MACF1: variants seen among roughly 807,000 people sequenced by gnomAD.
MACF1 encodes the protein microtubule actin crosslinking factor 1.
A neutral mutation model predicts 854.8 loss-of-function variants in MACF1; 193 were observed. The ratio of observed to expected loss-of-function variants is 0.23; its 90% CI spans 0.20 to 0.25. The LOEUF (loss-of-function observed/expected upper bound fraction) is 0.25, where lower values mean the gene tolerates loss of function less well. Among genes scored for constraint, MACF1 ranks in the 10% least tolerant of loss-of-function variants. The pLI, the probability that MACF1 is intolerant of heterozygous loss-of-function variation, is 1.00. For synonymous variants in MACF1, 3,185 were observed against 3,226.7 expected, an observed-to-expected ratio of 0.99 and a Z score of 0.44; for missense variants, 7,722 against 8,929.1, an observed-to-expected ratio of 0.86 and a Z score of 5.45.
chr1:39,424,660 T>G (rs1643666287), intron 61 of MACF1, among the ~76,000 whole-genome samples: 1 of 152,218 alleles, frequency 6.6e-6, no homozygotes, highest in Admixed American at 6.5e-5. Flanking sequence ...TATCTGGGAA[T>G]TCAAGAGATG....
intron 56 of MACF1, among the ~76,000 whole-genome samples, chr1:39,384,144 A>G (rs1650489228): frequency 1.3e-5 from 2 of 151,986 alleles, no homozygotes; most frequent in Non-Finnish European, 2.9e-5. Context: ...CTCTGCTTGG[A>G]GAACTGCTCG....
At chr1:39,274,888 A>G (rs1054855744) in intron 6 of MACF1, among the ~76,000 whole-genome samples, 3 of 152,238 alleles carry the variant, frequency 2.0e-5, no homozygotes, top group African/African-American at 7.2e-5. Flanking sequence ...AGTAATCACA[A>G]TAAATGCTAG....
chr1:39,109,922 A>G (rs1245332947), intron 2 of MACF1, among the ~76,000 whole-genome samples: 1 of 152,216 alleles, frequency 6.6e-6, no homozygotes, highest in East Asian at 1.9e-4. Flanking sequence ...ACTTTAAGTG[A>G]CATACATTTC....
At position 39,340,826 on chromosome 1, in the gene MACF1, C is replaced by T; in HGVS notation, c.10454C>T (p.Thr3485Ile). 6.2e-7 allele frequency: 1 copy of T among 1,613,414 alleles called. No homozygotes were observed. Residue 3485 changes from threonine to isoleucine, a missense_variant, in exon 40 of 101, where the codon ACA becomes ATA. Physicochemically the swap from Thr to Ile is moderately conservative, Grantham distance 89. Coordinates refer to ENST00000564288, the MANE Select transcript of MACF1 (RefSeq NM_001394062.1). Reference protein sequence around the residue: ...IEKTKVLNQHTQLEGRLQDLR... With the variant: ...IEKTKVLNQHIQLEGRLQDLR... ...TAGACTAAAGTGTTAAATCAGCACA[C>T]ACAGCTAGAAGGCCGACTTCAAGAT...
intron 52 of MACF1, among the ~76,000 whole-genome samples, chr1:39,376,465 A>G (rs779454412): frequency 2.6e-5 from 4 of 152,160 alleles, no homozygotes; most frequent in Admixed American, 6.6e-5. Flanking sequence ...CAGTTACCCC[A>G]TGAGAGTTAA....
intron 95 of MACF1, among the ~76,000 whole-genome samples, chr1:39,465,547 A>G (rs1644649888): frequency 6.6e-6 from 1 of 152,264 alleles, no homozygotes; most frequent in Non-Finnish European, 1.5e-5. Context: ...CTTATATTGT[A>G]TGTTATAATT....
At chr1:39,206,223 G>A (rs536935530) in intron 1 of MACF1, among the ~76,000 whole-genome samples, 45 of 152,260 alleles carry the variant, frequency 3.0e-4, no homozygotes, top group African/African-American at 9.2e-4. Flanking sequence ...CTATAGCAGC[G>A]GAAACAAAGA....
chr1:39,371,587 T>G (rs1649250061), intron 51 of MACF1, among the ~76,000 whole-genome samples: 1 of 152,128 alleles, frequency 6.6e-6, no homozygotes, highest in African/African-American at 2.4e-5. Context: ...ATTTTTGTCT[T>G]AGAGCAAATG....
intron 98 of MACF1, among the ~76,000 whole-genome samples, chr1:39,480,348 A>G (rs972657759): frequency 6.6e-6 from 1 of 152,224 alleles, no homozygotes; most frequent in Non-Finnish European, 1.5e-5. Flanking sequence ...ACAGTGGCTC[A>G]TGCCTGTAAT....
chr1:39,476,237 T>C (rs1022658052), intron 97 of MACF1, among the ~76,000 whole-genome samples: 32 of 152,166 alleles, frequency 2.1e-4, no homozygotes, highest in Non-Finnish European at 4.6e-4. Context: ...TGTTTTTACC[T>C]TAGGTATGCA....
chr1:39,433,631 A>G (rs947715352), intron 68 of MACF1, among the ~76,000 whole-genome samples: 2 of 152,202 alleles, frequency 1.3e-5, no homozygotes, highest in Non-Finnish European at 2.9e-5. Context: ...AGAAATATTC[A>G]TAAACTGACT....
chr1:39,379,475 A>G, intron 54 of MACF1, 31 bp downstream of exon 54: 2 of 1,585,204 alleles, frequency 1.3e-6, no homozygotes, highest in Non-Finnish European at 8.6e-7. Context: ...GCCTCCCAAC[A>G]CCAAGAGGAA....
At chr1:39,133,516 G>GTCCTCCTCCTCATCCTTTCTCC (rs1571081629) in intron 2 of MACF1, among the ~76,000 whole-genome samples, 3 of 151,176 alleles carry the variant, frequency 2.0e-5, no homozygotes, top group East Asian at 3.9e-4. Flanking sequence ...CTCCTTCCTC[G>GTCCTCCTCCTCATCCTTTCTCC]TCCTCCTCCT....
intron 58 of MACF1, among the ~76,000 whole-genome samples, chr1:39,398,799 C>CCA (rs1249181122): frequency 6.6e-6 from 1 of 152,184 alleles, no homozygotes; most frequent in African/African-American, 2.4e-5. Context: ...AGTCCCCACC[C>CCA]CACACTGCCA....
Position 39,385,929 on chromosome 1 carries a change from G to T in MACF1, c.14344G>T (p.Ala4782Ser). The T allele has an allele frequency of 6.2e-7, 1 of 1,600,186 alleles. No homozygotes were observed. Among genetic ancestry groups the T allele is most frequent in the South Asian group, 1.1e-5 (1 of 89,884 alleles). The stretch of plus-strand genomic sequence containing the variant: ...TCTCCAAGGTTTAGAAGACCTTGCA[G>T]GTAAGTTGGGGTGAAGAACATACTT... ...LPLQGLEDLA[A>S]DRINRLQAAL... Residue 4782 changes from alanine (A) to serine (S), a missense_variant and splice_region_variant, in exon 57 of 101, where the codon GCC (alanine) becomes TCC (serine). This residue lies in a region of MACF1 where 2,807 missense variants were observed against 3,235.8 expected (regional missense o/e 0.87). Transcript: ENST00000564288.
At chr1:39,470,412 A>G (rs2124139812) in intron 97 of MACF1, among the ~76,000 whole-genome samples, 1 of 152,322 alleles carries the variant, frequency 6.6e-6, no homozygotes, top group African/African-American at 2.4e-5. Context: ...AGCCCAAGGC[A>G]GGAGGATTGT....
chr1:39,411,935 A>T (rs1444224436), intron 58 of MACF1: 3 of 1,613,856 alleles, frequency 1.9e-6, no homozygotes, highest in Admixed American at 3.3e-5. Flanking sequence ...CTTATTGCCC[A>T]CGTTGATATC....
chr1:39,390,879 G>A (rs909234060), intron 58 of MACF1, among the ~76,000 whole-genome samples: 6 of 152,242 alleles, frequency 3.9e-5, no homozygotes, highest in South Asian at 2.1e-4. Context: ...AGGCCGAGGC[G>A]GGTGGATCAC....
intron 60 of MACF1, 106 bp from the exon 61 acceptor site, chr1:39,423,922 T>C (rs1643640247): frequency 1.3e-5 from 13 of 968,182 alleles, no homozygotes; most frequent in Middle Eastern, 5.6e-4. Context: ...TTTTACTCAA[T>C]GAAGCTTAGG....
Sources: allele counts gnomAD v4.1 joint callset (sites outside exome capture counted in the v4.1 genomes callset), GRCh38; gene constraint gnomAD v4.1.1; regional missense constraint gnomAD v4.1.1; transcripts MANE v1.5; gene names NCBI Gene and HGNC (gene_info 2026-07-23, HGNC 2026-07-21).